ADGRL3: variants seen among roughly 807,000 people sequenced by gnomAD.
ADGRL3 encodes the protein calcium-independent alpha-latrotoxin receptor 3.
Under a neutral mutation model 153.5 loss-of-function variants are expected in ADGRL3, and 62 were observed. The ratio of observed to expected loss-of-function variants is 0.40; its 90% CI spans 0.33 to 0.50. The LOEUF is 0.50. Among genes scored for constraint, ADGRL3 ranks in the 20% least tolerant of loss-of-function variants. The pLI is 0.47. For missense variants in ADGRL3, 1,641 were observed against 1,859.4 expected (o/e 0.88, Z 2.16); for synonymous variants, 710 against 672.5 (o/e 1.06, Z -0.86).
intron 2 of ADGRL3, among the ~76,000 whole-genome samples, chr4:61,451,710 C>A (rs1201518102): frequency 1.3e-5 from 2 of 152,160 alleles, no homozygotes; most frequent in Admixed American, 1.3e-4. Context: ...CTGTAATCCT[C>A]CAGACCTGCC....
rs528136311 is a variant in ADGRL3, at chr4:62,046,295, C to G, written c.3814+1746C>G. Reference sequence around the variant, plus strand: ...AACAAAATATGTAAAATTATTTTGTCTAATATTGTTGTCTAAATTCATGTA... The same window carrying G: ...AACAAAATATGTAAAATTATTTTGTGTAATATTGTTGTCTAAATTCATGTA... On this transcript the variant is annotated intron_variant, in intron 25 of 26. Coordinates refer to ENST00000683033, the MANE Select transcript of ADGRL3 (RefSeq NM_001387552.1). 2.3e-4 allele frequency among the ~76,000 whole-genome samples: 35 copies of G among 151,908 alleles called. 1 individual carries two copies. The highest frequency in any genetic ancestry group is 8.4e-4 in the African/African-American group (35 of 41,528).
rs561670181 is a variant in ADGRL3 at position 61,838,729 on chromosome 4, A to G, written c.1480+24840A>G. ...CTCCGGTTGAAAGTAAAAATGGTCT[A>G]TGCCTTTTATCTTTAAGTAAAGGCA... On this transcript the variant is annotated intron_variant, in intron 9 of 26. Coordinates refer to ENST00000683033, the MANE Select transcript of ADGRL3 (RefSeq NM_001387552.1). 8.5e-5 allele frequency among the ~76,000 whole-genome samples: 13 copies of G among 152,294 alleles called. No individual in the cohort carries two copies. In the East Asian group the frequency reaches 2.3e-3, roughly 27 times the overall value.
chr4:61,279,504 G>A (rs1339964664), intron 1 of ADGRL3, among the ~76,000 whole-genome samples: 4 of 152,078 alleles, frequency 2.6e-5, no homozygotes, highest in Non-Finnish European at 5.9e-5. Flanking sequence ...TCTTTAAATA[G>A]ACAGCATTTA....
At chr4:61,749,708 G>T (rs1424179573) in intron 8 of ADGRL3, among the ~76,000 whole-genome samples, 1 of 151,386 alleles carries the variant, frequency 6.6e-6, no homozygotes, top group East Asian at 2.0e-4. Flanking sequence ...CGGGACTGTT[G>T]TAGGGTGGGG....
At chr4:61,458,084 C>T (rs1710270153) in intron 2 of ADGRL3, among the ~76,000 whole-genome samples, 1 of 151,722 alleles carries the variant, frequency 6.6e-6, no homozygotes, top group African/African-American at 2.4e-5. Context: ...ATAGCAACTA[C>T]CTAAAAATAG....
chr4:61,832,812 CTTTT>C (rs11340246), intron 9 of ADGRL3, among the ~76,000 whole-genome samples: 3 of 137,034 alleles, frequency 2.2e-5, no homozygotes, highest in Non-Finnish European at 3.2e-5. Flanking sequence ...TTTTCTTTTT[CTTTT>C]TTTTTTTTTT....
At chr4:61,498,869 T>C (rs888361812) in intron 3 of ADGRL3, among the ~76,000 whole-genome samples, 1 of 152,184 alleles carries the variant, frequency 6.6e-6, no homozygotes, top group Non-Finnish European at 1.5e-5. Context: ...TCTTACACAA[T>C]TTAATGTTTT....
intron 13 of ADGRL3, among the ~76,000 whole-genome samples, chr4:61,917,389 T>G (rs570099090): frequency 2.0e-5 from 3 of 152,312 alleles, no homozygotes; most frequent in East Asian, 3.9e-4. Context: ...GATAATTATT[T>G]TGTGCTGCCA....
At chr4:61,597,918 A>G (rs1410976688) in intron 5 of ADGRL3, among the ~76,000 whole-genome samples, 1 of 152,102 alleles carries the variant, frequency 6.6e-6, no homozygotes, top group Admixed American at 6.6e-5. Context: ...TCTTCTGGAC[A>G]GTGGGAATTA....
At chr4:61,652,226 G>T (rs1451805369) in intron 5 of ADGRL3, among the ~76,000 whole-genome samples, 1 of 152,058 alleles carries the variant, frequency 6.6e-6, no homozygotes, top group African/African-American at 2.4e-5. Flanking sequence ...CCAAGATAAT[G>T]CATGGAGTGC....
chr4:61,772,276 G>A (rs1293287501), intron 8 of ADGRL3, among the ~76,000 whole-genome samples: 1 of 152,162 alleles, frequency 6.6e-6, no homozygotes, highest in East Asian at 1.9e-4. Flanking sequence ...TGCAGGTAGA[G>A]ATCCAGGAAA....
At chr4:61,274,322 G>A (rs1024914405) in intron 1 of ADGRL3, among the ~76,000 whole-genome samples, 1 of 152,160 alleles carries the variant, frequency 6.6e-6, no homozygotes, top group Non-Finnish European at 1.5e-5. Flanking sequence ...GCCATCTCCA[G>A]TATGAAATTA....
chr4:61,987,829 A>T (rs967922235), intron 19 of ADGRL3, among the ~76,000 whole-genome samples: 4 of 151,102 alleles, frequency 2.6e-5, no homozygotes, highest in Non-Finnish European at 5.9e-5. Context: ...TTGAATATCT[A>T]TTACAATAAT....
chr4:61,417,992 G>A (rs1431091758), intron 2 of ADGRL3, among the ~76,000 whole-genome samples: 2 of 152,078 alleles, frequency 1.3e-5, no homozygotes, highest in East Asian at 3.9e-4. Flanking sequence ...TTAAATACTG[G>A]ACAAGGGGAG....
In ADGRL3 at chr4:61,344,222, G is replaced by A. The variant is rs1023460029; in HGVS notation, c.-239-38902G>A. Among the ~76,000 whole-genome samples the A allele has an allele frequency of 7.7e-4, 118 of 152,284 alleles. 1 individual carries two copies. The highest frequency in any genetic ancestry group is 2.8e-3 in the African/African-American group (117 of 41,560). On this transcript the variant is annotated intron_variant, in intron 1 of 26. Coordinates refer to ENST00000683033, the MANE Select transcript of ADGRL3 (RefSeq NM_001387552.1). ...TCAGTGAAAAAGAAGATTTCTTTAA[G>A]ACCTTCCTTCAAAGTCACTTGAATG... is the stretch of plus-strand genomic sequence containing the variant.
At position 61,300,852 on chromosome 4, in the gene ADGRL3, G is replaced by A. The variant is rs1450427806; in HGVS notation, c.-239-82272G>A. Among the ~76,000 whole-genome samples, 4 of 148,742 alleles carry A rather than the reference G, an allele frequency of 2.7e-5. No individual in the cohort carries two copies. In the Admixed American group the frequency reaches 2.7e-4, roughly 10 times the overall value. On this transcript the variant is annotated intron_variant, in intron 1 of 26. Transcript: ENST00000683033. ...GTGATCTCAGCTCACTGCAGGCTCC[G>A]CCTCACGGGTTCAAGCAATTGTCTG...
intron 5 of ADGRL3, among the ~76,000 whole-genome samples, chr4:61,612,270 T>C (rs2091457314): frequency 6.6e-6 from 1 of 152,178 alleles, no homozygotes; most frequent in South Asian, 2.1e-4. Flanking sequence ...CATGAGGTTA[T>C]TGTGAATTTT....
chr4:62,025,920 T>G (rs911345243), intron 21 of ADGRL3, among the ~76,000 whole-genome samples: 15 of 152,142 alleles, frequency 9.9e-5, no homozygotes. Context: ...GTGGATCTGC[T>G]TTTTCAAATT....
At position 61,201,529 on chromosome 4, in the gene ADGRL3, A is replaced by T. The variant is rs1226355677; in HGVS notation, c.-476A>T. 6.6e-6 allele frequency: 1 copy of T among 152,214 alleles called. No homozygotes were observed. Among genetic ancestry groups the T allele is most frequent in the Non-Finnish European group, 1.5e-5 (1 of 68,078 alleles). 9.4% of individuals were successfully genotyped at this position (152,214 alleles called of 1,614,324 possible). On this transcript the variant is annotated 5_prime_UTR_variant, in exon 1 of 27. Transcript: ENST00000683033. ...CCTTCCCCTTTCTCCGTGGCTGTGTAGCGGAAGAAAGGGAAGAGAGACTTT... is the reference window on the plus strand; with the variant it reads ...CCTTCCCCTTTCTCCGTGGCTGTGTTGCGGAAGAAAGGGAAGAGAGACTTT...
Sources: gnomAD v4.1 joint callset for allele counts (sites outside exome capture counted in the v4.1 genomes callset) on GRCh38, gnomAD v4.1.1 for gene constraint, MANE v1.5 for transcripts, NCBI Gene and HGNC (gene_info 2026-07-23, HGNC 2026-07-21) for gene names.